The following SLC6A6 variants were observed in gnomAD, a reference collection of about 807,000 sequenced individuals.
SLC6A6 encodes sodium- and chloride-dependent taurine transporter.
In SLC6A6, 16 loss-of-function variants were observed where a neutral mutation model predicts 68.8. The ratio of observed to expected loss-of-function variants is 0.23; its 90% CI spans 0.16 to 0.35. The LOEUF (loss-of-function observed/expected upper bound fraction) is 0.35. Among genes scored for constraint, SLC6A6 ranks in the 10% least tolerant of loss-of-function variants. The pLI is 1.00. For synonymous variants in SLC6A6, 312 were observed against 315.4 expected (o/e 0.99, Z 0.12); for missense variants, 474 against 802.8 (o/e 0.59, Z 4.95).
chr3:14,482,648 G>T (rs1414900070), intron 14 of SLC6A6, among the ~76,000 whole-genome samples: 1 of 152,150 alleles, frequency 6.6e-6, no homozygotes, highest in Non-Finnish European at 1.5e-5. Context: ...GTTTCCTCCT[G>T]GGCAGGGGAA....
At chr3:14,455,791 C>T (rs114121725) in intron 5 of SLC6A6, among the ~76,000 whole-genome samples, 539 of 152,356 alleles carry the variant, frequency 3.5e-3, no homozygotes, top group African/African-American at 0.012. Context: ...AAAGCCGTGG[C>T]AGGCGCCAGA....
chr3:14,475,844 T>C (rs1700866990), intron 10 of SLC6A6, among the ~76,000 whole-genome samples: 1 of 152,212 alleles, frequency 6.6e-6, no homozygotes, highest in Admixed American at 6.5e-5. Flanking sequence ...GCCTCTTCTC[T>C]TGGATCCCTC....
At chr3:14,415,712 A>AC (rs535564149) in intron 1 of SLC6A6, among the ~76,000 whole-genome samples, 6,102 of 148,692 alleles carry the variant, frequency 0.041, 142 homozygotes, top group Non-Finnish European at 0.06. Context: ...AGACAACAGA[A>AC]CCCCCCCGCT....
At chr3:14,444,505 GTCT>G (rs1700066886) in intron 3 of SLC6A6, among the ~76,000 whole-genome samples, 1 of 147,674 alleles carries the variant, frequency 6.8e-6, no homozygotes, top group South Asian at 2.1e-4. Flanking sequence ...CCTCTGACAG[GTCT>G]TCTGTTACGG....
Position 14,468,237 on chromosome 3 carries a change from T to C in SLC6A6, c.1096+25T>C. 1 of 1,603,582 alleles carries C rather than the reference T, an allele frequency of 6.2e-7. No homozygotes were observed. Among genetic ancestry groups the C allele is most frequent in the Non-Finnish European group, 8.5e-7 (1 of 1,174,068 alleles). ...GGTACGGTGGTATCGGTGGCAGTGG[T>C]GGTGGGCACTGCCACCTAGTGTGTA... On this transcript the variant is annotated intron_variant, in intron 9 of 14. Transcript: ENST00000622186. This position sits in a 1 kb window ranked among gnomAD's most constrained non-coding sequence, Gnocchi z 4.5.
At chr3:14,403,651 C>G (rs1297888802) in intron 1 of SLC6A6, among the ~76,000 whole-genome samples, 1 of 152,202 alleles carries the variant, frequency 6.6e-6, no homozygotes, top group Non-Finnish European at 1.5e-5. Context: ...GGGACCAAGG[C>G]CCGGAGGGGC....
intron 6 of SLC6A6, among the ~76,000 whole-genome samples, chr3:14,461,702 C>T (rs1700499591): frequency 6.6e-6 from 1 of 152,232 alleles, no homozygotes; most frequent in Non-Finnish European, 1.5e-5. Context: ...GACTGCATGA[C>T]TTTGAACAAG....
chr3:14,437,962 G>T (rs1699896154), intron 2 of SLC6A6, among the ~76,000 whole-genome samples: 1 of 151,020 alleles, frequency 6.6e-6, no homozygotes, highest in Non-Finnish European at 1.5e-5. Context: ...TGAGTAGCTG[G>T]GATTACAGGA....
intron 2 of SLC6A6, among the ~76,000 whole-genome samples, chr3:14,436,958 C>T (rs1485228470): frequency 3.3e-5 from 5 of 152,150 alleles, no homozygotes; most frequent in Admixed American, 3.3e-4. Context: ...GACACCAGAC[C>T]CCATTTCATT....
chr3:14,426,516 T>C (rs564265308), intron 2 of SLC6A6, among the ~76,000 whole-genome samples: 34 of 152,346 alleles, frequency 2.2e-4, no homozygotes, highest in Non-Finnish European at 4.1e-4. Flanking sequence ...TCTAAGATGC[T>C]ACACAGTCTC....
At chr3:14,482,064 G>A (rs1482760628) in intron 14 of SLC6A6, among the ~76,000 whole-genome samples, 1 of 152,240 alleles carries the variant, frequency 6.6e-6, no homozygotes, top group African/African-American at 2.4e-5. Context: ...TTGGAAGCCG[G>A]GCTGTGGGGT....
At chr3:14,441,380 T>C (rs949007308) in intron 2 of SLC6A6, among the ~76,000 whole-genome samples, 13 of 152,076 alleles carry the variant, frequency 8.5e-5, no homozygotes, top group Non-Finnish European at 1.5e-4. Flanking sequence ...GGAACAATGC[T>C]GGCTGCTAGG....
chr3:14,416,177 T>C (rs1699359376), intron 1 of SLC6A6, among the ~76,000 whole-genome samples: 1 of 152,150 alleles, frequency 6.6e-6, no homozygotes, highest in South Asian at 2.1e-4. Flanking sequence ...TGTGTGGGGC[T>C]GGGAGTCTGC....
intron 2 of SLC6A6, among the ~76,000 whole-genome samples, chr3:14,441,452 A>G (rs948871940): frequency 6.6e-5 from 10 of 152,168 alleles, no homozygotes; most frequent in Non-Finnish European, 1.0e-4. Context: ...GGAGCAGGGC[A>G]GAGAAAGGCG....
At position 14,481,057 on chromosome 3, in the gene SLC6A6, G is replaced by C. The variant is rs910534824; in HGVS notation, c.1552-614G>C. ...CGCTGCTAGCACTTATGGTGCACTT[G>C]TTGTATGTACCTGGAGCTGCACTGG... On this transcript the variant is annotated intron_variant, in intron 13 of 14. Transcript: ENST00000622186. The surrounding 1 kb of genome is among the most constrained non-coding windows in gnomAD (Gnocchi z 4.7). Among the ~76,000 whole-genome samples the C allele has an allele frequency of 3.9e-5, 6 of 152,222 alleles. No individual in the cohort carries two copies. Among genetic ancestry groups the C allele is most frequent in the Non-Finnish European group, 8.8e-5 (6 of 68,044 alleles).
At position 14,466,606 on chromosome 3, in the gene SLC6A6, A is replaced by C. The variant is rs763483440; in HGVS notation, c.823A>C (p.Lys275Gln). 6.2e-7 allele frequency: 1 copy of C among 1,613,516 alleles called. No homozygotes were observed. The highest frequency in any genetic ancestry group is 1.1e-5 in the South Asian group (1 of 91,050). The change falls in exon 7 of 15, where the codon AAG (lysine) becomes CAG (glutamine). Residue 275 changes from lysine to glutamine, a missense_variant. By Grantham distance (53) the Lys-to-Gln change is moderately conservative (BLOSUM62 1). This residue lies in a region of SLC6A6 where 280 missense variants were observed against 533.1 expected (regional missense o/e 0.53). Coordinates refer to ENST00000622186, the MANE Select transcript of SLC6A6 (RefSeq NM_003043.6). ...GCTGCCGGGCGCGGGCGCAGGCATC[A>C]AGTTCTATCTGTATCCTGACATCAC... ...LTLPGAGAGI[K>Q]FYLYPDITRL...
Position 14,485,718 on chromosome 3 carries a change from G to C in SLC6A6, c.*711G>C, listed in dbSNP as rs1002744417. 1 of 152,650 alleles carries C rather than the reference G, an allele frequency of 6.6e-6. No individual in the cohort carries two copies. The allele number at this position is 152,650 out of a possible 1,614,324, so 9.5% of individuals were successfully genotyped here. ...TGAGGAGGCCCTATAGCAGAAGTCTGATTCTAAGAGCAGTAGAAACTTGTA... is the reference window on the plus strand; with the variant it reads ...TGAGGAGGCCCTATAGCAGAAGTCTCATTCTAAGAGCAGTAGAAACTTGTA... On this transcript the variant is annotated 3_prime_UTR_variant, in exon 15 of 15. Coordinates refer to ENST00000622186, the MANE Select transcript of SLC6A6 (RefSeq NM_003043.6).
At chr3:14,423,390 C>T (rs1249016648) in intron 2 of SLC6A6, among the ~76,000 whole-genome samples, 2 of 152,184 alleles carry the variant, frequency 1.3e-5, no homozygotes, top group Non-Finnish European at 2.9e-5. Flanking sequence ...TGAGCAACCA[C>T]TATACACCAG....
chr3:14,420,070 A>T (rs1574914021), intron 2 of SLC6A6, among the ~76,000 whole-genome samples: 2 of 152,238 alleles, frequency 1.3e-5, no homozygotes, highest in Admixed American at 1.3e-4. Flanking sequence ...TGCCAACCTC[A>T]ACATTCGCTT....
Sources: gnomAD v4.1 joint callset for allele counts (sites outside exome capture counted in the v4.1 genomes callset) on GRCh38, gnomAD v4.1.1 for gene constraint, gnomAD v4.1.1 regional missense constraint, Gnocchi (gnomAD v3.1) non-coding constraint, MANE v1.5 for transcripts, NCBI Gene and HGNC (gene_info 2026-07-23, HGNC 2026-07-21) for gene names.